The following SORCS3 variants were observed in gnomAD, a reference collection of about 807,000 sequenced individuals.
SORCS3 encodes VPS10 domain-containing receptor SorCS3.
A neutral mutation model predicts 146.3 loss-of-function variants in SORCS3; 57 were observed. That is an observed-to-expected ratio of 0.39 (90% CI 0.31 to 0.49). The LOEUF is 0.49. SORCS3 is among the 20% of genes least tolerant of loss of function. The pLI, the probability that SORCS3 is intolerant of heterozygous loss-of-function variation, is 0.92. For missense variants in SORCS3, 1,341 were observed against 1,575.5 expected (o/e 0.85, Z 2.52); for synonymous variants, 653 against 618.5 (o/e 1.06, Z -0.83).
Position 105,240,226 on chromosome 10 carries a change from G to T in SORCS3, c.2869-5316G>T, listed in dbSNP as rs369203542. Among the ~76,000 whole-genome samples, 78 of 152,308 alleles carry T rather than the reference G, an allele frequency of 5.1e-4. No individual in the cohort carries two copies. The South Asian group carries it at 0.015, about 30-fold the overall frequency. ...CATCACTCTCAAAAGAGATTCCATTGCCCAAGACAGCACCGACCAGCTGAA... is the reference window on the plus strand; with the variant it reads ...CATCACTCTCAAAAGAGATTCCATTTCCCAAGACAGCACCGACCAGCTGAA... On this transcript the variant is annotated intron_variant, in intron 20 of 26. Coordinates refer to ENST00000369701, the MANE Select transcript of SORCS3 (RefSeq NM_014978.3).
At chr10:105,223,821 C>T (rs1385459058) in intron 20 of SORCS3, among the ~76,000 whole-genome samples, 4 of 152,204 alleles carry the variant, frequency 2.6e-5, no homozygotes, top group Admixed American at 2.0e-4. Flanking sequence ...GTGATGGCAA[C>T]ACCTGTGTCA....
intron 4 of SORCS3, among the ~76,000 whole-genome samples, chr10:104,979,656 C>T (rs2054921623): frequency 6.6e-6 from 1 of 152,092 alleles, no homozygotes; most frequent in Admixed American, 6.6e-5. Flanking sequence ...GTTAACCAAG[C>T]CTCATGGTGG....
chr10:104,725,145 T>C (rs948637995), intron 1 of SORCS3, among the ~76,000 whole-genome samples: 4 of 152,194 alleles, frequency 2.6e-5, no homozygotes, highest in African/African-American at 4.8e-5. Flanking sequence ...GATGTACAGA[T>C]GGGGTTTTGT....
chr10:104,814,361 G>T (rs544697297), intron 1 of SORCS3, among the ~76,000 whole-genome samples: 1 of 152,138 alleles, frequency 6.6e-6, no homozygotes, highest in Non-Finnish European at 1.5e-5. Context: ...CTCCTCCAAA[G>T]CCCAGCTTTT....
At chr10:105,196,307 G>A (rs1191767744) in intron 14 of SORCS3, among the ~76,000 whole-genome samples, 2 of 152,178 alleles carry the variant, frequency 1.3e-5, no homozygotes, top group Admixed American at 6.5e-5. Context: ...TTGTCTGTTA[G>A]AAAGTTCCCT....
intron 16 of SORCS3, among the ~76,000 whole-genome samples, chr10:105,203,363 G>A (rs1481451058): frequency 2.0e-5 from 3 of 152,154 alleles, no homozygotes; most frequent in Non-Finnish European, 4.4e-5. Context: ...AGCAATGAGT[G>A]CAGTAGGCCA....
At chr10:105,085,248 C>G (rs2133737045) in intron 5 of SORCS3, among the ~76,000 whole-genome samples, 1 of 152,336 alleles carries the variant, frequency 6.6e-6, no homozygotes, top group Admixed American at 6.5e-5. Context: ...CATTGAAAAG[C>G]CCTAGGCTAA....
intron 1 of SORCS3, among the ~76,000 whole-genome samples, chr10:104,840,585 T>C (rs7900775): frequency 0.63 from 95,456 of 152,070 alleles, 30,412 homozygotes; most frequent in East Asian, 0.85. Context: ...GTGGCCAGAA[T>C]ATCATAGTCA....
At chr10:105,035,997 T>C (rs767175131) in intron 4 of SORCS3, among the ~76,000 whole-genome samples, 3 of 152,146 alleles carry the variant, frequency 2.0e-5, no homozygotes, top group Non-Finnish European at 4.4e-5. Context: ...CTTTCCCTTC[T>C]ACTTGAATCC....
chr10:104,774,764 G>A (rs930373563), intron 1 of SORCS3, among the ~76,000 whole-genome samples: 2 of 152,132 alleles, frequency 1.3e-5, no homozygotes, highest in African/African-American at 2.4e-5. Context: ...AAAACTTGAC[G>A]TGCAAACTTG....
chr10:104,879,435 C>A (rs151080139), intron 2 of SORCS3, among the ~76,000 whole-genome samples: 57 of 152,282 alleles, frequency 3.7e-4, no homozygotes, highest in South Asian at 3.1e-3. Flanking sequence ...TGTATAGACT[C>A]ATATGATTAG....
intron 1 of SORCS3, among the ~76,000 whole-genome samples, chr10:104,709,177 G>A (rs998089036): frequency 5.9e-4 from 90 of 152,180 alleles, no homozygotes; most frequent in African/African-American, 1.9e-3. Flanking sequence ...TTGGGAGGAG[G>A]CGGGTAGAGA....
rs991486750 is a variant in SORCS3 at position 104,737,313 on chromosome 10, C to T, written c.627+95359C>T. Among the ~76,000 whole-genome samples the T allele has an allele frequency of 2.6e-5, 4 of 151,856 alleles. 1 individual carries two copies. The highest frequency in any genetic ancestry group is 5.9e-5 in the Non-Finnish European group (4 of 67,822). ...ATACCCAGTAATGGGATGGCTGGGT[C>T]AAATGGTATTTCTAGTTCTAGATCC... On this transcript the variant is annotated intron_variant, in intron 1 of 26. Coordinates refer to ENST00000369701, the MANE Select transcript of SORCS3 (RefSeq NM_014978.3).
chr10:104,952,983 G>A (rs1301099497), intron 3 of SORCS3, among the ~76,000 whole-genome samples: 1 of 152,176 alleles, frequency 6.6e-6, no homozygotes, highest in Non-Finnish European at 1.5e-5. Context: ...TGTTTAGAAA[G>A]CCTAAAACAT....
At chr10:104,795,452 A>G (rs892241961) in intron 1 of SORCS3, among the ~76,000 whole-genome samples, 4 of 152,254 alleles carry the variant, frequency 2.6e-5, no homozygotes, top group African/African-American at 9.6e-5. Context: ...CATTAACACT[A>G]TACAAAAATA....
intron 6 of SORCS3, among the ~76,000 whole-genome samples, chr10:105,098,724 A>T (rs546108461): frequency 1.3e-5 from 2 of 152,338 alleles, no homozygotes; most frequent in African/African-American, 4.8e-5. Context: ...AACACCAAAC[A>T]ACACAGAATG....
At chr10:104,975,702 C>G (rs975941374) in intron 3 of SORCS3, among the ~76,000 whole-genome samples, 1 of 152,028 alleles carries the variant, frequency 6.6e-6, no homozygotes, top group African/African-American at 2.4e-5. Context: ...GGTACTGGTA[C>G]CAAAACAGAG....
chr10:104,713,888 T>A (rs1337580182), intron 1 of SORCS3, among the ~76,000 whole-genome samples: 1 of 152,134 alleles, frequency 6.6e-6, no homozygotes. Flanking sequence ...TCAGGCCTGG[T>A]GATTTCTTTT....
intron 1 of SORCS3, among the ~76,000 whole-genome samples, chr10:104,788,849 C>T (rs906884004): frequency 9.2e-5 from 14 of 152,222 alleles, no homozygotes; most frequent in South Asian, 4.2e-4. Flanking sequence ...TAGAACCTGT[C>T]GGCTGAGGTA....
Sources: allele counts gnomAD v4.1 joint callset (sites outside exome capture counted in the v4.1 genomes callset), GRCh38; gene constraint gnomAD v4.1.1; transcripts MANE v1.5; gene names NCBI Gene and HGNC (gene_info 2026-07-23, HGNC 2026-07-21).